The following WWP1 variants were observed in gnomAD, a reference collection of about 807,000 sequenced individuals.
The protein encoded by WWP1 is NEDD4-like E3 ubiquitin-protein ligase WWP1.
WWP1 carries 49 observed loss-of-function variants against 130.6 expected under a neutral mutation model. That is an observed-to-expected ratio of 0.38 (90% CI 0.30 to 0.48). The LOEUF is 0.48. Among genes scored for constraint, WWP1 ranks in the 20% least tolerant of loss-of-function variants. WWP1 has a pLI of 0.99. For synonymous variants in WWP1, 332 were observed against 367.8 expected, an observed-to-expected ratio of 0.90 and a Z score of 1.11; for missense variants, 809 against 1,100.6, an observed-to-expected ratio of 0.74 and a Z score of 3.75.
intron 5 of WWP1, among the ~76,000 whole-genome samples, chr8:86,390,567 G>A (rs985475361): frequency 7.9e-5 from 12 of 152,272 alleles, no homozygotes; most frequent in Admixed American, 2.0e-4. Context: ...GGCAGCGGGC[G>A]CCTGCAATCC....
intron 1 of WWP1, among the ~76,000 whole-genome samples, chr8:86,347,356 T>G (rs762119768): frequency 7.2e-5 from 11 of 151,888 alleles, no homozygotes; most frequent in Non-Finnish European, 8.8e-5. Flanking sequence ...CCAAAGTATG[T>G]GGCTAGTTAG....
Position 86,443,348 on chromosome 8 carries a change from A to G in WWP1, c.1998+570A>G, listed in dbSNP as rs565077043. Among the ~76,000 whole-genome samples the G allele has an allele frequency of 3.9e-5, 6 of 152,308 alleles. No individual in the cohort carries two copies. In the South Asian group the frequency reaches 1.0e-3, roughly 26 times the overall value. On this transcript the variant is annotated intron_variant, in intron 18 of 24. Coordinates refer to ENST00000517970, the MANE Select transcript of WWP1 (RefSeq NM_007013.4). ...CTCGGCCTCCCAAAGTGCTCAGATT[A>G]CAAATGTGAGCCACCACTCCCAGCC...
rs200199791 is a variant in WWP1, at chr8:86,362,007, C to CAT, written c.-114-6922_-114-6921dup. Among the ~76,000 whole-genome samples, 719 of 118,716 alleles carry CAT rather than the reference C, an allele frequency of 6.1e-3. 4 individuals are homozygous for CAT. The highest frequency in any genetic ancestry group is 0.011 in the African/African-American group (391 of 36,434). 77.9% of individuals were successfully genotyped at this position (118,716 alleles called of 152,430 possible). A position where few individuals can be genotyped will look rare whatever the true frequency, so the allele number is the denominator to read the frequency against. ...ATATATATATACATATATATACACA[C>CAT]ATATATATATACACATATATATACA... is the stretch of plus-strand genomic sequence containing the variant. On this transcript the variant is annotated intron_variant, in intron 1 of 24. Transcript: ENST00000517970.
chr8:86,371,708 T>C (rs991222254), intron 2 of WWP1, among the ~76,000 whole-genome samples: 8 of 152,232 alleles, frequency 5.3e-5, no homozygotes, highest in African/African-American at 1.2e-4. Flanking sequence ...TATTCTTATA[T>C]ATGTAGTTTA....
chr8:86,426,549 A>T (rs1256864248), intron 10 of WWP1, among the ~76,000 whole-genome samples: 2 of 152,150 alleles, frequency 1.3e-5, no homozygotes, highest in Non-Finnish European at 2.9e-5. Context: ...CAAAGGGGAA[A>T]CAAAATTCAC....
intron 5 of WWP1, among the ~76,000 whole-genome samples, chr8:86,392,334 A>G (rs1259276594): frequency 1.3e-5 from 2 of 152,216 alleles, no homozygotes; most frequent in Non-Finnish European, 2.9e-5. Context: ...ACATTAGAGT[A>G]TATTCAGAAC....
At chr8:86,465,103 T>A (rs1037652295) in intron 24 of WWP1, among the ~76,000 whole-genome samples, 3 of 151,944 alleles carry the variant, frequency 2.0e-5, no homozygotes, top group Non-Finnish European at 4.4e-5. Context: ...ATTGGGAGAA[T>A]TGTTAGAGAA....
intron 1 of WWP1, among the ~76,000 whole-genome samples, chr8:86,349,102 A>ACCTCCT (rs1221966162): frequency 7.7e-4 from 117 of 152,034 alleles, no homozygotes; most frequent in African/African-American, 2.8e-3. Context: ...GCTCACTGCA[A>ACCTCCT]CCTCCACCTC....
intron 14 of WWP1, 72 bp downstream of exon 14, chr8:86,431,815 C>T: frequency 3.8e-6 from 6 of 1,579,046 alleles, no homozygotes; most frequent in Non-Finnish European, 5.2e-6. Flanking sequence ...CTAATTTATC[C>T]TCAAGTTTAG....
At chr8:86,392,302 A>G (rs984953605) in intron 5 of WWP1, among the ~76,000 whole-genome samples, 11 of 152,258 alleles carry the variant, frequency 7.2e-5, no homozygotes, top group African/African-American at 2.7e-4. Flanking sequence ...TGAAAACCAT[A>G]GAAATAGTAT....
At chr8:86,448,015 T>A in intron 18 of WWP1, 133 bp from the exon 19 acceptor site, 1 of 750,256 alleles carries the variant, frequency 1.3e-6, no homozygotes, top group Non-Finnish European at 2.0e-6. Context: ...TATTTTAGTT[T>A]TCATGATTTA....
At chr8:86,397,919 A>T (rs577482433) in intron 5 of WWP1, among the ~76,000 whole-genome samples, 1 of 152,288 alleles carries the variant, frequency 6.6e-6, no homozygotes, top group South Asian at 2.1e-4. Flanking sequence ...CCATTTTGTA[A>T]TTAAGAAACC....
rs1455003973 is a variant in WWP1 at position 86,466,891 on chromosome 8, TG to T, written c.2768del (p.Ter923=). 2.5e-6 allele frequency: 4 copies of T among 1,598,490 alleles called. No individual in the cohort carries two copies. Among genetic ancestry groups the T allele is most frequent in the Non-Finnish European group, 3.4e-6 (4 of 1,175,004 alleles). On this transcript the variant is annotated frameshift_variant and stop_lost, in exon 25 of 25. Transcript: ENST00000517970. LOFTEE classifies it high-confidence loss of function. ...AGAGACAGAGGGATTTGGACAAGAA[TG>T]AATGTGGCTTCTTATTTTGGAGGAG... The part of the protein sequence containing the change: ...IEETEGFGQE[*>X]
chr8:86,348,447 A>C (rs1388914467), intron 1 of WWP1, among the ~76,000 whole-genome samples: 2 of 152,102 alleles, frequency 1.3e-5, no homozygotes, highest in Admixed American at 6.5e-5. Flanking sequence ...TGAACTCCAG[A>C]CCACAGGTGA....
chr8:86,390,319 G>A (rs888987737), intron 5 of WWP1, among the ~76,000 whole-genome samples: 46 of 152,146 alleles, frequency 3.0e-4, no homozygotes, highest in Non-Finnish European at 4.4e-4. Context: ...CTGCAATCTC[G>A]GCACTTTGGG....
intron 1 of WWP1, among the ~76,000 whole-genome samples, chr8:86,363,313 T>G (rs1168824258): frequency 6.6e-6 from 1 of 152,186 alleles, no homozygotes; most frequent in Admixed American, 6.5e-5. Flanking sequence ...TTACCTGTTT[T>G]TAGGGAAAGC....
intron 14 of WWP1, 45 bp downstream of exon 14, chr8:86,431,788 C>T (rs753515378): frequency 4.4e-6 from 7 of 1,605,274 alleles, no homozygotes; most frequent in Non-Finnish European, 6.0e-6. Context: ...GCTTAGTGAG[C>T]ACATGAGATT....
chr8:86,378,060 T>A (rs944242831), intron 3 of WWP1, among the ~76,000 whole-genome samples: 1 of 152,190 alleles, frequency 6.6e-6, no homozygotes, highest in Non-Finnish European at 1.5e-5. Context: ...TCAAACCATT[T>A]TAATTATTTT....
At chr8:86,443,049 A>G (rs1252644765) in intron 18 of WWP1, among the ~76,000 whole-genome samples, 1 of 152,024 alleles carries the variant, frequency 6.6e-6, no homozygotes, top group Non-Finnish European at 1.5e-5. Flanking sequence ...GACTACTTTT[A>G]TTTGTTTATT....
Sources: gnomAD v4.1 joint callset for allele counts (sites outside exome capture counted in the v4.1 genomes callset) on GRCh38, gnomAD v4.1.1 for gene constraint, MANE v1.5 for transcripts, NCBI Gene and HGNC (gene_info 2026-07-23, HGNC 2026-07-21) for gene names.